The following KCNT2 variants were observed in gnomAD, a reference collection of about 807,000 sequenced individuals.
KCNT2 encodes potassium channel subfamily T member 2.
Under a neutral mutation model 153.8 loss-of-function variants are expected in KCNT2, and 67 were observed. The ratio of observed to expected loss-of-function variants is 0.44; its 90% CI spans 0.36 to 0.53. The LOEUF is 0.53. Ranked by LOEUF, KCNT2 falls within the 20% of genes least tolerant of loss-of-function variation. The pLI is 0.00. For missense variants in KCNT2, 975 were observed against 1,354.8 expected (o/e 0.72, Z 4.40); for synonymous variants, 500 against 458.8 (o/e 1.09, Z -1.15).
intron 26 of KCNT2, chr1:196,257,981 T>C (rs554076540): frequency 3.1e-5 from 42 of 1,361,606 alleles, no homozygotes; most frequent in Admixed American, 3.0e-4. Flanking sequence ...TTTAGCACAG[T>C]ACCTAGCAGA....
intron 1 of KCNT2, among the ~76,000 whole-genome samples, chr1:196,576,008 C>A: frequency 6.7e-6 from 1 of 148,200 alleles, no homozygotes; most frequent in African/African-American, 2.5e-5. Context: ...AAGAAGAGAT[C>A]ATAACTAACA....
chr1:196,393,574 C>CT, intron 13 of KCNT2, among the ~76,000 whole-genome samples: 2 of 147,956 alleles, frequency 1.4e-5, no homozygotes, highest in South Asian at 2.2e-4. Context: ...CATGTTTTTT[C>CT]TTTTTTGTTT....
intron 12 of KCNT2, among the ~76,000 whole-genome samples, chr1:196,415,480 C>A (rs1475266366): frequency 6.6e-6 from 1 of 151,250 alleles, no homozygotes; most frequent in Admixed American, 6.6e-5. Context: ...TTGTCTACAT[C>A]TTTATTTGAA....
rs140761012 is a variant in KCNT2 at position 196,318,908 on chromosome 1, G to A, written c.2348+576C>T. 7.6e-3 allele frequency among the ~76,000 whole-genome samples: 1,150 copies of A among 151,648 alleles called. 7 individuals carry two copies. The highest frequency in any genetic ancestry group is 0.02 in the Middle Eastern group (6 of 294). The stretch of plus-strand genomic sequence containing the variant: ...CATATATTATTTCAAGTATATTAGC[G>A]TTTTGATCTTTTATTTTTATATATA... On this transcript the variant is annotated intron_variant, in intron 20 of 27. Transcript: ENST00000294725.
chr1:196,371,072 C>T (rs554943626), intron 14 of KCNT2, among the ~76,000 whole-genome samples: 153 of 151,854 alleles, frequency 1.0e-3, no homozygotes, highest in African/African-American at 3.4e-3. Flanking sequence ...CATTTATTTA[C>T]TGTATTACCA....
intron 1 of KCNT2, among the ~76,000 whole-genome samples, chr1:196,602,196 T>C (rs541984385): frequency 3.0e-4 from 45 of 152,302 alleles, no homozygotes; most frequent in African/African-American, 1.1e-3. Context: ...ACATTAAATA[T>C]TGCTCAGAAA....
chr1:196,512,894 G>C (rs949108242), intron 1 of KCNT2, among the ~76,000 whole-genome samples: 3 of 152,090 alleles, frequency 2.0e-5, no homozygotes, highest in African/African-American at 4.8e-5. Flanking sequence ...CCTTTAATTA[G>C]ATATTACTGC....
At chr1:196,360,075 G>A (rs1389587110) in intron 14 of KCNT2, among the ~76,000 whole-genome samples, 2 of 152,002 alleles carry the variant, frequency 1.3e-5, no homozygotes, top group African/African-American at 4.8e-5. Flanking sequence ...ACCTTTTAAT[G>A]AGTCTGCCTA....
chr1:196,410,978 C>T (rs566799522), intron 12 of KCNT2, among the ~76,000 whole-genome samples: 1 of 148,648 alleles, frequency 6.7e-6, no homozygotes, highest in East Asian at 2.0e-4. Flanking sequence ...TTCCCTTACT[C>T]CCCTCCTTCT....
chr1:196,228,315 G>A lies in KCNT2; in HGVS notation c.3317C>T (p.Pro1106Leu). The change falls in exon 28 of 28, where the codon CCA (proline) becomes CTA (leucine). Residue 1106 changes from proline (P) to leucine (L), a missense_variant. By Grantham distance (98) the Pro-to-Leu change is moderately conservative (BLOSUM62 -3). Around this residue, in one of 6 missense-constraint regions of KCNT2, gnomAD observed 241 missense variants for 271.1 expected, o/e 0.89. Transcript: ENST00000294725. The stretch of plus-strand genomic sequence containing the variant: ...CTCACTGTTTGGAAGGTAGGCCAGT[G>A]GATCTGGTCGAATTAAGTATCTAAT... The part of the protein sequence containing the change: ...NDVVYLIRPD[P>L]LAYLPNSEPS... 6.2e-7 allele frequency: 1 copy of A among 1,602,334 alleles called. No homozygotes were observed. Among genetic ancestry groups the A allele is most frequent in the East Asian group, 2.2e-5 (1 of 44,624 alleles).
intron 26 of KCNT2, among the ~76,000 whole-genome samples, chr1:196,254,656 C>A (rs1391175032): frequency 6.6e-6 from 1 of 151,390 alleles, no homozygotes; most frequent in African/African-American, 2.4e-5. Context: ...TTACTACTAC[C>A]ACCATCACCA....
At chr1:196,351,630 T>A (rs1304292269) in intron 14 of KCNT2, among the ~76,000 whole-genome samples, 2 of 152,012 alleles carry the variant, frequency 1.3e-5, no homozygotes, top group Admixed American at 6.6e-5. Context: ...TTTCTAGATA[T>A]ACAATCATGT....
At chr1:196,466,205 C>A (rs1047384303) in intron 7 of KCNT2, among the ~76,000 whole-genome samples, 3 of 151,994 alleles carry the variant, frequency 2.0e-5, no homozygotes, top group Non-Finnish European at 4.4e-5. Flanking sequence ...TTTCCAACAA[C>A]TAATAACACA....
intron 14 of KCNT2, among the ~76,000 whole-genome samples, chr1:196,343,326 A>T (rs1261432377): frequency 1.3e-5 from 2 of 152,230 alleles, no homozygotes; most frequent in Admixed American, 1.3e-4. Flanking sequence ...AATTTATGAG[A>T]AATTCATAAT....
Position 196,236,058 on chromosome 1 carries a change from T to A in KCNT2, c.3224A>T (p.Asp1075Val). ...GATGTAGGAGAGGGTACTTTGATGA[T>A]CATTCATTTCATCTAGAAGATAAAT... ...LSTVGYDEMN[D>V]HQSTLSYILI... Residue 1075 changes from aspartate to valine, a missense_variant, in exon 27 of 28, where the codon GAT becomes GTT. Coordinates refer to ENST00000294725, the MANE Select transcript of KCNT2 (RefSeq NM_198503.5). The A allele has an allele frequency of 6.3e-7, 1 of 1,582,290 alleles. No individual in the cohort carries two copies. The highest frequency in any genetic ancestry group is 8.7e-7 in the Non-Finnish European group (1 of 1,152,130).
At chr1:196,590,063 C>T (rs61819889) in intron 1 of KCNT2, among the ~76,000 whole-genome samples, 1,525 of 152,110 alleles carry the variant, frequency 0.01, 11 homozygotes, top group Non-Finnish European at 0.016. Context: ...AGTGTATCCC[C>T]GTAACAAAAC....
chr1:196,331,513 A>T (rs1179910712), intron 17 of KCNT2, among the ~76,000 whole-genome samples: 2 of 152,024 alleles, frequency 1.3e-5, no homozygotes, highest in Non-Finnish European at 2.9e-5. Flanking sequence ...CTAGTATTTC[A>T]TGTCATGCGA....
chr1:196,607,417 T>A (rs1477208006), intron 1 of KCNT2, among the ~76,000 whole-genome samples: 1 of 152,212 alleles, frequency 6.6e-6, no homozygotes, highest in African/African-American at 2.4e-5. Flanking sequence ...ATTTCAGAAG[T>A]TTGTGCAAAG....
Position 196,593,995 on chromosome 1 carries a change from C to T in KCNT2, c.95+14220G>A, listed in dbSNP as rs192373872. On this transcript the variant is annotated intron_variant, in intron 1 of 27. Coordinates refer to ENST00000294725, the MANE Select transcript of KCNT2 (RefSeq NM_198503.5). ...TTTTTACAGAAGACCAACACACACACACACATACACACACACAAGAATTCA... is the reference window on the plus strand; with the variant it reads ...TTTTTACAGAAGACCAACACACACATACACATACACACACACAAGAATTCA... Among the ~76,000 whole-genome samples the T allele has an allele frequency of 3.3e-5, 5 of 152,130 alleles. No homozygotes were observed. The East Asian group carries it at 9.7e-4, about 29-fold the overall frequency.
Sources: allele counts gnomAD v4.1 joint callset (sites outside exome capture counted in the v4.1 genomes callset), GRCh38; gene constraint gnomAD v4.1.1; regional missense constraint gnomAD v4.1.1; transcripts MANE v1.5; gene names NCBI Gene and HGNC (gene_info 2026-07-23, HGNC 2026-07-21).